DCHS2: variants seen among roughly 807,000 people sequenced by gnomAD.
DCHS2 encodes protocadherin-23.
DCHS2 carries 142 observed loss-of-function variants against 182.4 expected under a neutral mutation model. That is an observed-to-expected ratio of 0.78 (90% CI 0.68 to 0.89). DCHS2 has a LOEUF of 0.89. Among genes scored for constraint, DCHS2 ranks in the 40% least tolerant of loss-of-function variants. DCHS2 has a pLI of 0.00. For missense variants in DCHS2, 4,319 were observed against 4,198.6 expected (o/e 1.03, Z -0.79); for synonymous variants, 1,740 against 1,663.3 (o/e 1.05, Z -1.12).
intron 16 of DCHS2, among the ~76,000 whole-genome samples, chr4:154,243,224 A>G (rs1172373294): frequency 1.3e-5 from 2 of 152,196 alleles, no homozygotes; most frequent in Non-Finnish European, 2.9e-5. Flanking sequence ...CTTTGTACTG[A>G]TATTTTTGGA....
intron 1 of DCHS2, among the ~76,000 whole-genome samples, chr4:154,467,136 T>C (rs1263975243): frequency 6.6e-6 from 1 of 152,216 alleles, no homozygotes; most frequent in Non-Finnish European, 1.5e-5. Context: ...CTGGTATACA[T>C]TTTTTAAATA....
intron 1 of DCHS2, among the ~76,000 whole-genome samples, chr4:154,453,717 G>T (rs1734638633): frequency 1.3e-5 from 2 of 152,178 alleles, no homozygotes; most frequent in African/African-American, 4.8e-5. Flanking sequence ...CACAGTCTGA[G>T]TCCTACCCAC....
chr4:154,309,824 G>T (rs1217910032), intron 10 of DCHS2, among the ~76,000 whole-genome samples: 1 of 152,160 alleles, frequency 6.6e-6, no homozygotes, highest in Non-Finnish European at 1.5e-5. Flanking sequence ...ACTATTAAAG[G>T]ACTCAAATTC....
chr4:154,295,579 T>G (rs796209452), intron 13 of DCHS2, among the ~76,000 whole-genome samples: 2 of 152,350 alleles, frequency 1.3e-5, no homozygotes, highest in African/African-American at 4.8e-5. Context: ...AGTTCATTGT[T>G]GTAATATAAT....
intron 1 of DCHS2, among the ~76,000 whole-genome samples, chr4:154,401,887 G>C (rs547369321): frequency 1.3e-5 from 2 of 152,228 alleles, no homozygotes; most frequent in East Asian, 3.9e-4. Flanking sequence ...CCAGCTACTC[G>C]GGAAGCTGAG....
chr4:154,327,490 A>G (rs753065643), intron 7 of DCHS2, among the ~76,000 whole-genome samples: 18 of 152,140 alleles, frequency 1.2e-4, no homozygotes, highest in Non-Finnish European at 2.2e-4. Flanking sequence ...CTTCTTTCCT[A>G]TGTCCTATGT....
intron 4 of DCHS2, chr4:154,333,807 T>C (rs1728634776): frequency 2.9e-6 from 1 of 344,064 alleles, no homozygotes. Flanking sequence ...GGCCACACCA[T>C]CCAGGTTCGT....
At chr4:154,385,395 G>A (rs1731364576) in intron 1 of DCHS2, among the ~76,000 whole-genome samples, 1 of 152,092 alleles carries the variant, frequency 6.6e-6, no homozygotes, top group Admixed American at 6.6e-5. Flanking sequence ...ACATGTACGT[G>A]TGTCTTTATA....
intron 12 of DCHS2, among the ~76,000 whole-genome samples, chr4:154,302,367 G>C (rs12504514): frequency 6.6e-6 from 1 of 152,210 alleles, no homozygotes; most frequent in Non-Finnish European, 1.5e-5. Context: ...GTCTTGGTTT[G>C]TGCAGGGTGG....
At chr4:154,264,865 C>G (rs1284917045) in intron 14 of DCHS2, among the ~76,000 whole-genome samples, 3 of 152,010 alleles carry the variant, frequency 2.0e-5, no homozygotes, top group Admixed American at 2.0e-4. Context: ...GCTAAATCAA[C>G]TGAAAAATAC....
chr4:154,446,959 C>T (rs1042754539), intron 1 of DCHS2, among the ~76,000 whole-genome samples: 14 of 135,852 alleles, frequency 1.0e-4, no homozygotes, highest in South Asian at 9.1e-4. Flanking sequence ...CTCATACACA[C>T]GCACACACAC....
At chr4:154,454,416 C>A (rs1249496481) in intron 1 of DCHS2, among the ~76,000 whole-genome samples, 1 of 152,050 alleles carries the variant, frequency 6.6e-6, no homozygotes, top group Non-Finnish European at 1.5e-5. Flanking sequence ...GTTAATTTTT[C>A]TATTTTTTAT....
chr4:154,240,345 G>A (rs1310940760), intron 18 of DCHS2, among the ~76,000 whole-genome samples, 192 bp downstream of exon 18: 3 of 149,820 alleles, frequency 2.0e-5, no homozygotes, highest in Admixed American at 1.3e-4. Flanking sequence ...AAACTAAACC[G>A]AATGAGACAT....
intron 3 of DCHS2, among the ~76,000 whole-genome samples, chr4:154,360,217 A>G (rs1730055187): frequency 6.6e-6 from 1 of 152,098 alleles, no homozygotes. Flanking sequence ...TTATTATCTG[A>G]GACAGAGCAG....
intron 7 of DCHS2, 75 bp downstream of exon 7, chr4:154,328,018 C>A: frequency 3.8e-6 from 4 of 1,061,564 alleles, no homozygotes; most frequent in Non-Finnish European, 5.3e-6. Flanking sequence ...AACTTCTTTT[C>A]CCAGAAGGGG....
At chr4:154,354,923 G>T (rs1729790515) in intron 3 of DCHS2, 1 of 151,854 alleles carries the variant, frequency 6.6e-6, no homozygotes. Context: ...TGTGCAGCTA[G>T]CTGTTTTTCC....
intron 1 of DCHS2, among the ~76,000 whole-genome samples, chr4:154,413,068 G>A (rs139556972): frequency 4.7e-4 from 71 of 152,264 alleles, no homozygotes; most frequent in African/African-American, 1.6e-3. Flanking sequence ...GAAGAGAGCA[G>A]GCTTATTTTT....
Position 154,378,541 on chromosome 4 carries a change from G to GAAGGAAGA in DCHS2, c.2053-1098_2053-1097insTCTTCCTT, listed in dbSNP as rs879434408. 6.0e-3 allele frequency among the ~76,000 whole-genome samples: 906 copies of GAAGGAAGA among 150,110 alleles called. 6 individuals are homozygous for GAAGGAAGA. The highest frequency in any genetic ancestry group is 9.5e-3 in the Non-Finnish European group (636 of 67,250). ...GGAAAGAAGGAAGGAAGGAAGGAAG[G>GAAGGAAGA]AAGGAAGGAAGGAAGGAAGGAAGGT... On this transcript the variant is annotated intron_variant, in intron 1 of 19. Coordinates refer to ENST00000357232, the MANE Select transcript of DCHS2 (RefSeq NM_001358235.2).
At chr4:154,300,708 C>T (rs1397764608) in intron 12 of DCHS2, among the ~76,000 whole-genome samples, 5 of 151,042 alleles carry the variant, frequency 3.3e-5, no homozygotes, top group African/African-American at 4.9e-5. Flanking sequence ...GAGAGCCTGT[C>T]TTTAAAAAAA....
Sources: gnomAD v4.1 joint callset for allele counts (sites outside exome capture counted in the v4.1 genomes callset) on GRCh38, gnomAD v4.1.1 for gene constraint, MANE v1.5 for transcripts, NCBI Gene and HGNC (gene_info 2026-07-23, HGNC 2026-07-21) for gene names.